Variants in TENM3 observed in about 807,000 individuals in gnomAD.
The protein encoded by TENM3 is teneurin transmembrane protein 3.
A neutral mutation model predicts 255.1 loss-of-function variants in TENM3; 63 were observed. The ratio of observed to expected loss-of-function variants is 0.25; its 90% CI spans 0.20 to 0.30. The LOEUF (loss-of-function observed/expected upper bound fraction) is 0.30. TENM3 is among the 10% of genes least tolerant of loss of function. TENM3 has a pLI of 1.00. For synonymous variants in TENM3, 1,306 were observed against 1,322.3 expected, an observed-to-expected ratio of 0.99 and a Z score of 0.27; for missense variants, 2,929 against 3,461.1, an observed-to-expected ratio of 0.85 and a Z score of 3.86.
chr4:182,698,482 A>G (rs1239465119), intron 12 of TENM3, among the ~76,000 whole-genome samples: 1 of 152,212 alleles, frequency 6.6e-6, no homozygotes, highest in Non-Finnish European at 1.5e-5. Flanking sequence ...TACATCCTCA[A>G]AAAAGTAGGT....
chr4:181,804,480 C>T, the TENM3 span, among the ~76,000 whole-genome samples: 1 of 152,084 alleles, frequency 6.6e-6, no homozygotes, highest in Non-Finnish European at 1.5e-5. Context: ...ATACACAGAT[C>T]ATTAAAGTTA....
chr4:182,692,201 A>G lies in TENM3; in HGVS notation c.2221+3850A>G, dbSNP rs75105550. Among the ~76,000 whole-genome samples the G allele has an allele frequency of 6.5e-3, 990 of 152,346 alleles. 13 individuals carry two copies. The highest frequency in any genetic ancestry group is 0.023 in the African/African-American group (953 of 41,570). The stretch of plus-strand genomic sequence containing the variant: ...CTTAGAAAAAGAGGGAAAATCTCCT[A>G]TGGGACTGTCCTGTGGATGCAGTTA... On this transcript the variant is annotated intron_variant, in intron 12 of 27. Coordinates refer to ENST00000511685, the MANE Select transcript of TENM3 (RefSeq NM_001080477.4).
intron 5 of TENM3, among the ~76,000 whole-genome samples, chr4:182,643,638 T>C (rs2152497567): frequency 6.6e-6 from 1 of 152,296 alleles, no homozygotes; most frequent in South Asian, 2.1e-4. Context: ...TCCAGTCTCT[T>C]TTAATACAAA....
chr4:182,658,033 G>C (rs1753899840), intron 6 of TENM3, among the ~76,000 whole-genome samples: 1 of 152,078 alleles, frequency 6.6e-6, no homozygotes, highest in South Asian at 2.1e-4. Flanking sequence ...TTACAGTTGG[G>C]CTTTCACAGT....
upstream of TENM3, among the ~76,000 whole-genome samples, chr4:182,239,705 A>G (rs1311001214): frequency 3.3e-5 from 5 of 152,328 alleles, no homozygotes; most frequent in South Asian, 2.1e-4. Flanking sequence ...AGAAAATACC[A>G]CTATGGATAC....
At chr4:181,637,024 C>G in the TENM3 span, among the ~76,000 whole-genome samples, 3 of 152,120 alleles carry the variant, frequency 2.0e-5, no homozygotes, top group Non-Finnish European at 4.4e-5. Context: ...TCGGTTTCCT[C>G]TTTCTAAAAA....
chr4:181,688,484 T>C, the TENM3 span, among the ~76,000 whole-genome samples: 117 of 144,096 alleles, frequency 8.1e-4, 1 homozygote, highest in African/African-American at 3.0e-3. Flanking sequence ...TGTGCTCTAG[T>C]CTGTGGTTAA....
chr4:182,165,174 C>A (rs901178142), intron 1 of TENM3, among the ~76,000 whole-genome samples: 1 of 152,168 alleles, frequency 6.6e-6, no homozygotes, highest in African/African-American at 2.4e-5. Context: ...ATCATCTACT[C>A]CAGGGAAACT....
At chr4:181,702,234 T>C in the TENM3 span, among the ~76,000 whole-genome samples, 1 of 152,194 alleles carries the variant, frequency 6.6e-6, no homozygotes, top group Non-Finnish European at 1.5e-5. Context: ...CATTCCTTCG[T>C]TTTTCTGTCC....
At chr4:182,609,733 T>C (rs1408356730) in intron 4 of TENM3, among the ~76,000 whole-genome samples, 1 of 152,244 alleles carries the variant, frequency 6.6e-6, no homozygotes, top group Non-Finnish European at 1.5e-5. Context: ...AACATCCTAC[T>C]AGCTGTGTAA....
intron 3 of TENM3, among the ~76,000 whole-genome samples, chr4:182,416,387 T>G (rs1320355365): frequency 6.6e-6 from 1 of 152,108 alleles, no homozygotes; most frequent in Non-Finnish European, 1.5e-5. Flanking sequence ...GTATTAATCT[T>G]TTTTCTTCCT....
At chr4:182,314,653 G>A (rs1762648696) in intron 1 of TENM3, among the ~76,000 whole-genome samples, 1 of 152,118 alleles carries the variant, frequency 6.6e-6, no homozygotes, top group African/African-American at 2.4e-5. Flanking sequence ...TAACCTATTT[G>A]TGTTGTTATA....
At chr4:182,494,308 T>C (rs1735559751) in intron 3 of TENM3, among the ~76,000 whole-genome samples, 1 of 152,142 alleles carries the variant, frequency 6.6e-6, no homozygotes, top group African/African-American at 2.4e-5. Flanking sequence ...CAGTTACCCA[T>C]GGTAAACCAC....
chr4:181,523,281 A>C, the TENM3 span, among the ~76,000 whole-genome samples: 58 of 152,320 alleles, frequency 3.8e-4, no homozygotes, highest in African/African-American at 1.3e-3. Context: ...TAACATTCAA[A>C]TGAGTGCGTT....
At chr4:182,034,424 T>C in the TENM3 span, among the ~76,000 whole-genome samples, 1 of 152,188 alleles carries the variant, frequency 6.6e-6, no homozygotes, top group East Asian at 1.9e-4. Context: ...GATCCTGTCA[T>C]GATGATGCTA....
the TENM3 span, among the ~76,000 whole-genome samples, chr4:181,512,105 A>G: frequency 1.3e-5 from 2 of 152,062 alleles, no homozygotes; most frequent in Non-Finnish European, 2.9e-5. Context: ...ACTGGCCCTC[A>G]TGAGGTCAAC....
chr4:181,463,835 G>T, the TENM3 span, among the ~76,000 whole-genome samples: 1 of 152,048 alleles, frequency 6.6e-6, no homozygotes, highest in Non-Finnish European at 1.5e-5. Context: ...GTCTCTGGCA[G>T]CTATAAGTCT....
intron 3 of TENM3, among the ~76,000 whole-genome samples, chr4:182,461,811 G>A (rs1387808566): frequency 6.6e-6 from 1 of 152,154 alleles, no homozygotes; most frequent in Non-Finnish European, 1.5e-5. Context: ...TTGTTGAATT[G>A]AATGAATGAG....
rs181033665 is a variant in TENM3, at chr4:182,292,717, G to A, written c.-75-31229G>A. On this transcript the variant is annotated intron_variant, in intron 1 of 27. Coordinates refer to ENST00000511685, the MANE Select transcript of TENM3 (RefSeq NM_001080477.4). ...TGGGGAAATAGTACCCAGGGGATGC[G>A]CTCTCTGCCCTTAAAGAACTTACAG... Among the ~76,000 whole-genome samples, 8 of 152,252 alleles carry A rather than the reference G, an allele frequency of 5.3e-5. No individual in the cohort carries two copies. The East Asian group carries it at 9.7e-4, about 18-fold the overall frequency.
Sources: allele counts gnomAD v4.1 joint callset (sites outside exome capture counted in the v4.1 genomes callset), GRCh38; gene constraint gnomAD v4.1.1; transcripts MANE v1.5; gene names NCBI Gene and HGNC (gene_info 2026-07-23, HGNC 2026-07-21).